Variants in GPAM observed in about 807,000 individuals in gnomAD.
The protein encoded by GPAM is glycerol-3-phosphate acyltransferase, mitochondrial.
GPAM carries 56 observed loss-of-function variants against 105.0 expected under a neutral mutation model. The ratio of observed to expected loss-of-function variants is 0.53; its 90% confidence interval spans 0.43 to 0.67. The LOEUF (loss-of-function observed/expected upper bound fraction) is 0.67, where lower values mean the gene tolerates loss of function less well. Among genes scored for constraint, GPAM ranks in the 30% least tolerant of loss-of-function variants. The pLI, the probability that GPAM is intolerant of heterozygous loss-of-function variation, is 0.00. For missense variants in GPAM, 855 were observed against 989.8 expected (o/e 0.86, Z 1.83); for synonymous variants, 368 against 354.4 (o/e 1.04, Z -0.43).
At chr10:112,166,588 G>T in intron 11 of GPAM, 73 bp from the exon 12 acceptor site, 1 of 857,572 alleles carries the variant, frequency 1.2e-6, no homozygotes. Flanking sequence ...ATTATCCACA[G>T]AATAACTTGT....
At chr10:112,163,910 T>C in intron 13 of GPAM, 94 bp from the exon 14 acceptor site, 1 of 712,528 alleles carries the variant, frequency 1.4e-6, no homozygotes, top group Non-Finnish European at 2.6e-6. Context: ...TACTTTAAAT[T>C]ACTATATATT....
intron 13 of GPAM, among the ~76,000 whole-genome samples, chr10:112,164,239 G>C (rs1232791440): frequency 6.6e-6 from 1 of 152,034 alleles, no homozygotes; most frequent in Non-Finnish European, 1.5e-5. Flanking sequence ...CATACAATAT[G>C]CATAACCTAC....
chr10:112,190,589 A>G (rs1271292543), intron 1 of GPAM, among the ~76,000 whole-genome samples: 5 of 152,198 alleles, frequency 3.3e-5, no homozygotes, highest in African/African-American at 1.2e-4. Context: ...TTATGGCATA[A>G]TAAGGACTTC....
rs1221666549 is a variant in GPAM at position 112,214,669 on chromosome 10, C to T, written n.210+499G>A. On this transcript the variant is annotated intron_variant and non_coding_transcript_variant, in intron 1 of 3. Transcript: ENST00000480130. ...CTTTCATAAAAGACATTCTCAGCTCCTCCTCTTTCCTCTGTAGCCAACATC... is the reference window on the plus strand; with the variant it reads ...CTTTCATAAAAGACATTCTCAGCTCTTCCTCTTTCCTCTGTAGCCAACATC... 2.6e-5 allele frequency among the ~76,000 whole-genome samples: 4 copies of T among 152,224 alleles called. No homozygotes were observed. The East Asian group carries it at 7.7e-4, about 29-fold the overall frequency.
intron 3 of GPAM, 60 bp from the exon 4 acceptor site, chr10:112,180,655 G>C (rs914741806): frequency 2.8e-6 from 4 of 1,453,816 alleles, no homozygotes; most frequent in South Asian, 2.3e-5. Context: ...TTGTCTACTT[G>C]ATCTCAAAAT....
upstream of GPAM, among the ~76,000 whole-genome samples, chr10:112,217,112 T>C (rs541115679): frequency 1.3e-5 from 2 of 152,096 alleles, no homozygotes; most frequent in African/African-American, 2.4e-5. Flanking sequence ...TTTTAGAACA[T>C]TCCATCACCC....
At chr10:112,176,306 A>T (rs1445888689) in intron 5 of GPAM, among the ~76,000 whole-genome samples, 2 of 152,202 alleles carry the variant, frequency 1.3e-5, no homozygotes, top group East Asian at 3.8e-4. Context: ...CACATTTTAA[A>T]TACACCTGAG....
chr10:112,172,335 T>C lies in GPAM; in HGVS notation c.658-17A>G, dbSNP rs769035910. 3 of 1,610,218 alleles carry C rather than the reference T, an allele frequency of 1.9e-6. No homozygotes were observed. Among genetic ancestry groups the C allele is most frequent in the Admixed American group, 1.7e-5 (1 of 59,978 alleles). The stretch of plus-strand genomic sequence containing the variant: ...CAAATTCGTCTAGCAAAGGGAAAAA[T>C]GCCAAATTTAAAACTCAAATGTAAA... On this transcript the variant is annotated splice_polypyrimidine_tract_variant and intron_variant, in intron 8 of 21. Coordinates refer to ENST00000348367, the MANE Select transcript of GPAM (RefSeq NM_001244949.2).
rs10528337 is a variant in GPAM, at chr10:112,200,167, AATATATATATAT to A, written n.210+14989_210+15000del. Among the ~76,000 whole-genome samples the A allele has an allele frequency of 6.0e-3, 523 of 87,190 alleles. 6 individuals carry two copies. Among genetic ancestry groups the A allele is most frequent in the Admixed American group, 7.7e-3 (55 of 7,166 alleles). 57.2% of individuals were successfully genotyped at this position (87,190 alleles called of 152,430 possible). On this transcript the variant is annotated intron_variant and non_coding_transcript_variant, in intron 1 of 3. Transcript: ENST00000480130. ...ACACATATTTACACATTGTAAAGGA[AATATATATATAT>A]ATATATATATATATATATATATATA...
At chr10:112,215,678 G>A (rs991313078), upstream of GPAM, among the ~76,000 whole-genome samples, 4 of 152,162 alleles carry the variant, frequency 2.6e-5, no homozygotes, top group Admixed American at 6.5e-5. Context: ...CACATGGGGC[G>A]TCAGGCTCCG....
chr10:112,215,020 TC>T (rs2133311257), intron 1 of GPAM: 1 of 152,382 alleles, frequency 6.6e-6, no homozygotes, highest in African/African-American at 2.4e-5. Flanking sequence ...ATTCCATGAT[TC>T]TGAGTTCTTT....
At chr10:112,163,076 G>A (rs1194391439) in intron 14 of GPAM, among the ~76,000 whole-genome samples, 3 of 152,148 alleles carry the variant, frequency 2.0e-5, no homozygotes, top group Non-Finnish European at 4.4e-5. Context: ...AAGAACCACT[G>A]TGCTGCCTTG....
intron 8 of GPAM, among the ~76,000 whole-genome samples, chr10:112,172,538 A>C (rs925698844): frequency 2.0e-5 from 3 of 152,206 alleles, no homozygotes; most frequent in African/African-American, 7.2e-5. Flanking sequence ...GAAGAAGAGC[A>C]ATCAAGAGTT....
intron 16 of GPAM, 110 bp downstream of exon 16, chr10:112,160,494 A>C: frequency 8.0e-7 from 1 of 1,248,794 alleles, no homozygotes; most frequent in Non-Finnish European, 1.1e-6. Flanking sequence ...TTATAGCCAC[A>C]TTCCCTCAAG....
intron 5 of GPAM, 58 bp downstream of exon 5, chr10:112,177,926 G>T: frequency 1.1e-6 from 1 of 902,784 alleles, no homozygotes; most frequent in Non-Finnish European, 1.9e-6. Flanking sequence ...TGTGTTAACT[G>T]ATTATTATGA....
chr10:112,162,233 A>T (rs902223335), intron 14 of GPAM, among the ~76,000 whole-genome samples: 2 of 152,218 alleles, frequency 1.3e-5, no homozygotes, highest in African/African-American at 4.8e-5. Flanking sequence ...ATCCTAATTT[A>T]CTCACTAACT....
intron 5 of GPAM, among the ~76,000 whole-genome samples, chr10:112,176,616 A>C (rs1159687621): frequency 6.6e-6 from 1 of 152,218 alleles, no homozygotes; most frequent in African/African-American, 2.4e-5. Flanking sequence ...AAATCTTCCA[A>C]AAATTTGGCC....
chr10:112,193,064 C>T (rs762463386), intron 1 of GPAM, among the ~76,000 whole-genome samples: 28 of 152,188 alleles, frequency 1.8e-4, no homozygotes, highest in Non-Finnish European at 3.2e-4. Context: ...TCAGTCATGG[C>T]GCCATCAGAA....
intron 17 of GPAM, among the ~76,000 whole-genome samples, 173 bp from the exon 18 acceptor site, chr10:112,158,566 TG>T (rs1847060694): frequency 6.6e-6 from 1 of 152,122 alleles, no homozygotes; most frequent in Admixed American, 6.5e-5. Context: ...CACACGGTCA[TG>T]GACAAAGCCC....
Sources: allele counts gnomAD v4.1 joint callset (sites outside exome capture counted in the v4.1 genomes callset), GRCh38; gene constraint gnomAD v4.1.1; transcripts MANE v1.5; gene names NCBI Gene and HGNC (gene_info 2026-07-23, HGNC 2026-07-21).